THEM6: variants seen among roughly 807,000 people sequenced by gnomAD.
THEM6 encodes thioesterase superfamily member 6.
Under a neutral mutation model 13.7 loss-of-function variants are expected in THEM6, and 10 were observed. That is an observed-to-expected ratio of 0.73 (90% CI 0.45 to 1.24). THEM6 has a LOEUF of 1.24. Among genes scored for constraint, THEM6 ranks in the 50% most tolerant of loss-of-function variants. The probability of loss-of-function intolerance (pLI) is 0.00; values close to 1 mark genes in which losing one functional copy is unlikely to be tolerated. For synonymous variants in THEM6, 161 were observed against 156.0 expected, an observed-to-expected ratio of 1.03 and a Z score of -0.24; for missense variants, 317 against 312.6, an observed-to-expected ratio of 1.01 and a Z score of -0.11.
rs1226718227 is a variant in THEM6 at position 142,736,643 on chromosome 8, CAG to C, written c.*1209_*1210del. Reference sequence around the variant, plus strand: ...GGCTCCAGCTGATGCCCTCAGCTCCCAGAGAGGGGGTGCCCCATCTAGCTGGG... The same window carrying C: ...GGCTCCAGCTGATGCCCTCAGCTCCCAGAGGGGGTGCCCCATCTAGCTGGG... On this transcript the variant is annotated 3_prime_UTR_variant, in exon 2 of 2. Transcript: ENST00000336138. 6.6e-6 allele frequency: 1 copy of C among 152,328 alleles called. No homozygotes were observed. Among genetic ancestry groups the C allele is most frequent in the African/African-American group, 2.4e-5 (1 of 41,456 alleles). 9.4% of individuals were successfully genotyped at this position (152,328 alleles called of 1,614,324 possible). A position where few individuals can be genotyped will look rare whatever the true frequency, so the allele number is the denominator to read the frequency against.
intron 1 of THEM6, among the ~76,000 whole-genome samples, chr8:142,729,395 C>T (rs898385452): frequency 2.6e-5 from 4 of 152,068 alleles, no homozygotes; most frequent in Admixed American, 6.5e-5. Context: ...CATTTATAAC[C>T]TGATGTGTAA....
At position 142,735,753 on chromosome 8, in the gene THEM6, T is replaced by G. The variant is rs1428758117; in HGVS notation, c.*314T>G. 1 of 330,572 alleles carries G rather than the reference T, an allele frequency of 3.0e-6. No individual in the cohort carries two copies. Among genetic ancestry groups the G allele is most frequent in the South Asian group, 3.7e-5 (1 of 26,926 alleles). 20.5% of individuals were successfully genotyped at this position (330,572 alleles called of 1,614,324 possible). A position where few individuals can be genotyped will look rare whatever the true frequency, so the allele number is the denominator to read the frequency against. ...GGCCTAGGTAGGGGAGGATGGTGCC[T>G]GGAGCAGAGGGACCCACAAGTGCCT... is the stretch of plus-strand genomic sequence containing the variant. On this transcript the variant is annotated 3_prime_UTR_variant, in exon 2 of 2. Transcript: ENST00000336138.
In THEM6 at chr8:142,727,464, C is replaced by T. The variant is rs782144453; in HGVS notation, c.118C>T (p.Arg40Cys). The T allele has an allele frequency of 1.7e-5, 27 of 1,567,884 alleles. No homozygotes were observed. The South Asian group carries it at 2.8e-4, about 16-fold the overall frequency. The change falls in exon 1 of 2, where the codon CGC (arginine) becomes TGC (cysteine). Residue 40 changes from arginine (R) to cysteine (C), a missense_variant. Coordinates refer to ENST00000336138, the MANE Select transcript of THEM6 (RefSeq NM_016647.3). ...GCTGCGCGCGCGCCTGCTGCAGCCG[C>T]GCGTCCGTGACCTGCTAGCTGAGCA... Reference protein sequence around the residue: ...AVLRARLLQPRVRDLLAEQRF... With the variant: ...AVLRARLLQPCVRDLLAEQRF...
chr8:142,729,886 G>A (rs587624079), intron 1 of THEM6, among the ~76,000 whole-genome samples: 1 of 152,328 alleles, frequency 6.6e-6, no homozygotes, highest in South Asian at 2.1e-4. Flanking sequence ...CAGGCTATAG[G>A]AGCAGAACAT....
Position 142,727,497 on chromosome 8 carries a change from C to T in THEM6, c.151C>T (p.Pro51Ser), listed in dbSNP as rs192172557. The change falls in exon 1 of 2, where the codon CCG (proline) becomes TCG (serine). Residue 51 changes from proline (P) to serine (S), a missense_variant. Physicochemically the swap from Pro to Ser is moderately conservative, Grantham distance 74. Coordinates refer to ENST00000336138, the MANE Select transcript of THEM6 (RefSeq NM_016647.3). ...TGACCTGCTAGCTGAGCAGCGCTTC[C>T]CGGGCCGCGTGCTGCCCTCGGACTT... ...VRDLLAEQRF[P>S]GRVLPSDLDL... The T allele has an allele frequency of 5.1e-5, 80 of 1,577,474 alleles. 2 individuals carry two copies. The Admixed American group carries it at 1.3e-3, about 25-fold the overall frequency.
Position 142,735,778 on chromosome 8 carries a change from T to G in THEM6, c.*339T>G. The G allele has an allele frequency of 3.5e-6, 1 of 282,340 alleles. No homozygotes were observed. The highest frequency in any genetic ancestry group is 7.7e-5 in the East Asian group (1 of 13,062). The allele number at this position is 282,340 out of a possible 1,614,324, so 17.5% of individuals were successfully genotyped here. A position where few individuals can be genotyped will look rare whatever the true frequency, so the allele number is the denominator to read the frequency against. ...TGGAGCAGAGGGACCCACAAGTGCC[T>G]CCCGAGCCTAGATCCTGGCTCGGAC... On this transcript the variant is annotated 3_prime_UTR_variant, in exon 2 of 2. Coordinates refer to ENST00000336138, the MANE Select transcript of THEM6 (RefSeq NM_016647.3).
chr8:142,729,586 AG>A (rs1450583613), intron 1 of THEM6, among the ~76,000 whole-genome samples: 24 of 152,170 alleles, frequency 1.6e-4, no homozygotes, highest in African/African-American at 5.8e-4. Flanking sequence ...AGGCTACTGA[AG>A]AAGGGGGAGA....
chr8:142,727,537 A>G lies in THEM6; in HGVS notation c.191A>G (p.His64Arg), dbSNP rs1420552671. ...CCCTCGGACTTGGACCTGCTGCTGC[A>G]CATGAACAACGCGCGCTACCTGCGC... ...VLPSDLDLLL[H>R]MNNARYLREA... Residue 64 changes from histidine (H) to arginine (R), a missense_variant, in exon 1 of 2, where the codon CAC (histidine) becomes CGC (arginine). Transcript: ENST00000336138. 2 of 1,569,622 alleles carry G rather than the reference A, an allele frequency of 1.3e-6. No individual in the cohort carries two copies. The highest frequency in any genetic ancestry group is 2.4e-5 in the East Asian group (1 of 41,908).
intron 1 of THEM6, among the ~76,000 whole-genome samples, chr8:142,730,136 T>C (rs1488932558): frequency 2.6e-5 from 4 of 152,200 alleles, no homozygotes; most frequent in Admixed American, 6.5e-5. Flanking sequence ...AAAATTAAGC[T>C]TTCTTTAACT....
In THEM6 at chr8:142,735,742, A is replaced by G; in HGVS notation, c.*303A>G. 2.8e-6 allele frequency: 1 copy of G among 362,712 alleles called. No individual in the cohort carries two copies. The highest frequency in any genetic ancestry group is 5.3e-6 in the Non-Finnish European group (1 of 190,182). The allele number at this position is 362,712 out of a possible 1,614,324, so 22.5% of individuals were successfully genotyped here. ...CCACTCATGTGGGCCTAGGTAGGGG[A>G]GGATGGTGCCTGGAGCAGAGGGACC... On this transcript the variant is annotated 3_prime_UTR_variant, in exon 2 of 2. Coordinates refer to ENST00000336138, the MANE Select transcript of THEM6 (RefSeq NM_016647.3).
At chr8:142,731,117 C>G (rs1554642902) in intron 1 of THEM6, among the ~76,000 whole-genome samples, 1 of 152,172 alleles carries the variant, frequency 6.6e-6, no homozygotes, top group Non-Finnish European at 1.5e-5. Flanking sequence ...TTTTTATAGA[C>G]TCTTTTTAAG....
In THEM6 at chr8:142,727,702, T is replaced by G. The variant is rs1815533747; in HGVS notation, c.356T>G (p.Val119Gly). The G allele has an allele frequency of 2.1e-6, 3 of 1,433,188 alleles. No homozygotes were observed. The Admixed American group carries it at 8.7e-5, about 42-fold the overall frequency. 88.8% of individuals were successfully genotyped at this position (1,433,188 alleles called of 1,614,324 possible). Residue 119 changes from valine (V) to glycine (G), a missense_variant, in exon 1 of 2, where the codon GTG (valine) becomes GGG (glycine). Coordinates refer to ENST00000336138, the MANE Select transcript of THEM6 (RefSeq NM_016647.3). The stretch of plus-strand genomic sequence containing the variant: ...CTGCGCCTGCTGGAGCCCTTCGAGG[T>G]GCGCACCCGCCTGCTGGGCTGGGAC... Reference protein sequence around the residue: ...RSLRLLEPFEVRTRLLGWDDR... With the variant: ...RSLRLLEPFEGRTRLLGWDDR...
Position 142,727,613 on chromosome 8 carries a change from G to C in THEM6, c.267G>C (p.Gly89=), listed in dbSNP as rs984261661. Reference sequence around the variant, plus strand: ...ACCTGACCCGCTGCGGGGTGCTCGGGGCGCTGAGGGAGTTGCGGGCGCACA... The same window carrying C: ...ACCTGACCCGCTGCGGGGTGCTCGGCGCGCTGAGGGAGTTGCGGGCGCACA... The part of the protein sequence containing the change: ...VAHLTRCGVL[G]ALRELRAHTV... The change falls in exon 1 of 2, where the codon GGG becomes GGC. Residue 89 remains glycine (G), a synonymous_variant. Coordinates refer to ENST00000336138, the MANE Select transcript of THEM6 (RefSeq NM_016647.3). 3 of 1,500,592 alleles carry C rather than the reference G, an allele frequency of 2.0e-6. No individual in the cohort carries two copies. In the East Asian group the frequency reaches 8.2e-5, roughly 41 times the overall value. The allele number at this position is 1,500,592 out of a possible 1,614,324, so 93.0% of individuals were successfully genotyped here.
chr8:142,732,727 T>TTC (rs1815679090), intron 1 of THEM6, among the ~76,000 whole-genome samples: 1 of 151,302 alleles, frequency 6.6e-6, no homozygotes, highest in Non-Finnish European at 1.5e-5. Flanking sequence ...TTTTTTTTTT[T>TTC]CTGCATTGCT....
At position 142,727,424 on chromosome 8, in the gene THEM6, C is replaced by T. The variant is rs1587578614; in HGVS notation, c.78C>T (p.Arg26=). 1.3e-6 allele frequency: 2 copies of T among 1,542,914 alleles called. No individual in the cohort carries two copies. The highest frequency in any genetic ancestry group is 2.4e-5 in the South Asian group (2 of 84,836). The change falls in exon 1 of 2, where the codon CGC becomes CGT. Residue 26 remains arginine, a synonymous_variant. Coordinates refer to ENST00000336138, the MANE Select transcript of THEM6 (RefSeq NM_016647.3). The part of the protein sequence containing the change: ...FALLDVWYLV[R]LPCAVLRARL... ...TGCTGGACGTCTGGTACCTGGTGCG[C>T]CTTCCGTGCGCCGTGCTGCGCGCGC... is the stretch of plus-strand genomic sequence containing the variant.
In THEM6 at chr8:142,736,480, C is replaced by T. The variant is rs1241991840; in HGVS notation, c.*1041C>T. ...TCTCCTGGCAGCTTCTCAGGTCTCC[C>T]TAATGGAGACACCAGGCTACTAGGA... On this transcript the variant is annotated 3_prime_UTR_variant, in exon 2 of 2. Coordinates refer to ENST00000336138, the MANE Select transcript of THEM6 (RefSeq NM_016647.3). 2 of 152,390 alleles carry T rather than the reference C, an allele frequency of 1.3e-5. No individual in the cohort carries two copies. The highest frequency in any genetic ancestry group is 2.4e-5 in the African/African-American group (1 of 41,462). The allele number at this position is 152,390 out of a possible 1,614,324, so 9.4% of individuals were successfully genotyped here.
chr8:142,729,758 G>C (rs587611416), intron 1 of THEM6, among the ~76,000 whole-genome samples: 55 of 152,326 alleles, frequency 3.6e-4, no homozygotes, highest in African/African-American at 1.3e-3. Context: ...AGTTCGAAAG[G>C]GTAGTCCTTT....
intron 1 of THEM6, among the ~76,000 whole-genome samples, chr8:142,728,198 C>T (rs1409374543): frequency 1.3e-5 from 2 of 152,198 alleles, no homozygotes; most frequent in African/African-American, 4.8e-5. Context: ...GGAGTGTTGA[C>T]CTCTCTGGTC....
At chr8:142,734,982 T>C in intron 1 of THEM6, 1 of 267,080 alleles carries the variant, frequency 3.7e-6, no homozygotes, top group South Asian at 5.8e-5. Context: ...TCTGGTACTT[T>C]CCTGGAGGAG....
Sources: allele counts gnomAD v4.1 joint callset (sites outside exome capture counted in the v4.1 genomes callset), GRCh38; gene constraint gnomAD v4.1.1; transcripts MANE v1.5; gene names NCBI Gene and HGNC (gene_info 2026-07-23, HGNC 2026-07-21).